Variants in FAM180A observed in about 807,000 individuals in gnomAD.
FAM180A encodes family with sequence similarity 180 member A.
A neutral mutation model predicts 15.3 loss-of-function variants in FAM180A; 14 were observed. The observed-to-expected ratio is 0.92, with a 90% CI of 0.61 to 1.43. FAM180A has a LOEUF of 1.43. Among genes scored for constraint, FAM180A ranks in the 40% most tolerant of loss-of-function variants. FAM180A has a pLI of 0.00. For missense variants in FAM180A, 200 were observed against 220.8 expected, an observed-to-expected ratio of 0.91 and a Z score of 0.60; for synonymous variants, 90 against 96.8, an observed-to-expected ratio of 0.93 and a Z score of 0.41.
chr7:135,736,374 G>A (rs1243419520), intron 2 of FAM180A, among the ~76,000 whole-genome samples: 1 of 152,226 alleles, frequency 6.6e-6, no homozygotes, highest in African/African-American at 2.4e-5. Flanking sequence ...GGAGTCAGAG[G>A]ATGTCAAAGC....
rs1471630382 is a variant in FAM180A at position 135,748,687 on chromosome 7, CCCTT to C, written c.-111_-108del. The C allele has an allele frequency of 2.3e-6, 2 of 875,186 alleles. No individual in the cohort carries two copies. Among genetic ancestry groups the C allele is most frequent in the Non-Finnish European group, 3.8e-6 (2 of 521,532 alleles). The allele number at this position is 875,186 out of a possible 1,614,324, so 54.2% of individuals were successfully genotyped here. The stretch of plus-strand genomic sequence containing the variant: ...CAGTGAGATGATGGAGTGCTTCCCT[CCCTT>C]CCTTTTGCAGACGTGCAGAAATGCC... On this transcript the variant is annotated 5_prime_UTR_variant, in exon 1 of 4. Coordinates refer to ENST00000338588, the MANE Select transcript of FAM180A (RefSeq NM_205855.4).
intron 1 of FAM180A, among the ~76,000 whole-genome samples, chr7:135,744,321 A>G (rs1032918093): frequency 5.3e-5 from 8 of 152,226 alleles, no homozygotes; most frequent in African/African-American, 1.9e-4. Flanking sequence ...AGCTTGTTGG[A>G]AAGGATTCAA....
At chr7:135,741,954 T>C (rs1796956592) in intron 1 of FAM180A, among the ~76,000 whole-genome samples, 1 of 152,226 alleles carries the variant, frequency 6.6e-6, no homozygotes, top group Admixed American at 6.5e-5. Flanking sequence ...TTAGAATGTA[T>C]GTGTGGGAAG....
chr7:135,734,256 C>T lies in FAM180A; in HGVS notation c.241G>A (p.Ala81Thr), dbSNP rs778680892. Residue 81 changes from alanine to threonine, a missense_variant, in exon 3 of 4, where the codon GCC becomes ACC. Physicochemically the swap from Ala to Thr is moderately conservative, Grantham distance 58. Coordinates refer to ENST00000338588, the MANE Select transcript of FAM180A (RefSeq NM_205855.4). ...LQISIKDEEL[A>T]SLRKASDFRT... ...AAGTCTGAGGCCTTCCGCAAGGAGG[C>T]CAGCTCCTCGTCCTTGATGGAGATC... 38 of 1,613,898 alleles carry T rather than the reference C, an allele frequency of 2.4e-5. No homozygotes were observed. In the Admixed American group the frequency reaches 2.7e-4, roughly 11 times the overall value.
chr7:135,736,392 G>A (rs991685107), intron 2 of FAM180A, among the ~76,000 whole-genome samples: 4 of 152,246 alleles, frequency 2.6e-5, no homozygotes, highest in African/African-American at 9.6e-5. Flanking sequence ...AGCTGGAGGG[G>A]AATTTTGGAC....
rs373129979 is a variant in FAM180A, at chr7:135,734,265, C to T, written c.232G>A (p.Glu78Lys). The stretch of plus-strand genomic sequence containing the variant: ...GCCTTCCGCAAGGAGGCCAGCTCCT[C>T]GTCCTTGATGGAGATCTGCAGGTCA... Reference protein sequence around the residue: ...SPDLQISIKDEELASLRKASD... With the variant: ...SPDLQISIKDKELASLRKASD... The change falls in exon 3 of 4, where the codon GAG (glutamate) becomes AAG (lysine). Residue 78 changes from glutamate (E) to lysine (K), a missense_variant. Physicochemically the swap from Glu to Lys is moderately conservative, Grantham distance 56. Coordinates refer to ENST00000338588, the MANE Select transcript of FAM180A (RefSeq NM_205855.4). The T allele has an allele frequency of 2.2e-5, 36 of 1,613,618 alleles. No homozygotes were observed. The highest frequency in any genetic ancestry group is 6.7e-5 in the African/African-American group (5 of 74,912).
At position 135,729,924 on chromosome 7, in the gene FAM180A, T is replaced by A; in HGVS notation, c.*687A>T. 1.3e-6 allele frequency: 1 copy of A among 755,624 alleles called. No individual in the cohort carries two copies. Among genetic ancestry groups the A allele is most frequent in the Non-Finnish European group, 1.6e-6 (1 of 620,564 alleles). 46.8% of individuals were successfully genotyped at this position (755,624 alleles called of 1,614,324 possible). A position where few individuals can be genotyped will look rare whatever the true frequency, so the allele number is the denominator to read the frequency against. Reference sequence around the variant, plus strand: ...TTACAAGATGAGAAAGTTCCGGGGGTCTGTTTCACAACATGCATGGAGTTA... The same window carrying A: ...TTACAAGATGAGAAAGTTCCGGGGGACTGTTTCACAACATGCATGGAGTTA... On this transcript the variant is annotated 3_prime_UTR_variant, in exon 4 of 4. Transcript: ENST00000338588.
In FAM180A at chr7:135,730,168, A is replaced by G; in HGVS notation, c.*443T>C. ...GTGACAGAGCAATGAAGTCTGCAGC[A>G]GTTAAATGTCTGTTGATGTCTCTTG... On this transcript the variant is annotated 3_prime_UTR_variant, in exon 4 of 4. Transcript: ENST00000338588. 1 of 985,442 alleles carries G rather than the reference A, an allele frequency of 1.0e-6. No homozygotes were observed. The highest frequency in any genetic ancestry group is 1.2e-6 in the Non-Finnish European group (1 of 829,922). The allele number at this position is 985,442 out of a possible 1,614,324, so 61.0% of individuals were successfully genotyped here.
At chr7:135,739,473 G>A (rs577993647) in intron 1 of FAM180A, among the ~76,000 whole-genome samples, 1 of 150,748 alleles carries the variant, frequency 6.6e-6, no homozygotes, top group African/African-American at 2.4e-5. Context: ...TTAGCCGGGT[G>A]TGGTGGCAGG....
chr7:135,733,934 G>T lies in FAM180A; in HGVS notation c.*41C>A. ...GAGAATGAAGACTTTCTGGATTACT[G>T]TGCTGGTCCCTGCTCTGAGGTCCTG... is the stretch of plus-strand genomic sequence containing the variant. On this transcript the variant is annotated 3_prime_UTR_variant, in exon 3 of 4. Coordinates refer to ENST00000338588, the MANE Select transcript of FAM180A (RefSeq NM_205855.4). The T allele has an allele frequency of 6.5e-7, 1 of 1,534,694 alleles. No individual in the cohort carries two copies. The highest frequency in any genetic ancestry group is 8.7e-7 in the Non-Finnish European group (1 of 1,142,990).
intron 1 of FAM180A, among the ~76,000 whole-genome samples, chr7:135,746,038 G>A (rs772572303): frequency 6.6e-5 from 10 of 152,084 alleles, no homozygotes; most frequent in African/African-American, 1.4e-4. Context: ...TCAACTACGC[G>A]GAAGACATTT....
intron 1 of FAM180A, among the ~76,000 whole-genome samples, chr7:135,747,116 G>A (rs1797041730): frequency 1.3e-5 from 2 of 151,964 alleles, no homozygotes; most frequent in African/African-American, 4.8e-5. Context: ...AAATAAATAA[G>A]TAAATAAATA....
chr7:135,734,211 C>T lies in FAM180A; in HGVS notation c.286G>A (p.Val96Ile), dbSNP rs3112374. ...ATGTCTGGGATGCTCTTGGGGATGA[C>T]GTTGTTGCAGACGGTGCGGAAGTCT... ...ASDFRTVCNN[V>I]IPKSIPDIRR... The change falls in exon 3 of 4, where the codon GTC becomes ATC. Residue 96 changes from valine to isoleucine, a missense_variant. Coordinates refer to ENST00000338588, the MANE Select transcript of FAM180A (RefSeq NM_205855.4). The T allele has an allele frequency of 4.9e-3, 7,833 of 1,614,164 alleles. 297 individuals are homozygous for T. The African/African-American group carries it at 0.093, about 19-fold the overall frequency.
Position 135,733,689 on chromosome 7 carries a change from C to G in FAM180A, c.*286G>C. On this transcript the variant is annotated 3_prime_UTR_variant, in exon 3 of 4. Transcript: ENST00000338588. ...GTGTGGCCACTGCTCTGGGTTGAAG[C>G]ATATCAGAATTCTGCCTGCCATAGG... 9 of 1,217,460 alleles carry G rather than the reference C, an allele frequency of 7.4e-6. No homozygotes were observed. The highest frequency in any genetic ancestry group is 8.2e-6 in the Non-Finnish European group (8 of 976,506). The allele number at this position is 1,217,460 out of a possible 1,614,324, so 75.4% of individuals were successfully genotyped here.
chr7:135,733,871 CG>C lies in FAM180A; in HGVS notation c.*103del. 1 of 1,443,808 alleles carries C rather than the reference CG, an allele frequency of 6.9e-7. No homozygotes were observed. Among genetic ancestry groups the C allele is most frequent in the Non-Finnish European group, 9.1e-7 (1 of 1,099,256 alleles). The allele number at this position is 1,443,808 out of a possible 1,614,324, so 89.4% of individuals were successfully genotyped here. Reference sequence around the variant, plus strand: ...TTTGATCTCTGCTGCTCTGTGTCAGCGGTAAGAGTTTTGTTGCTGGTCTCTG... The same window carrying C: ...TTTGATCTCTGCTGCTCTGTGTCAGCGTAAGAGTTTTGTTGCTGGTCTCTG... On this transcript the variant is annotated 3_prime_UTR_variant, in exon 3 of 4. Transcript: ENST00000338588.
Position 135,733,692 on chromosome 7 carries a change from A to G in FAM180A, c.*283T>C. 3 of 1,225,228 alleles carry G rather than the reference A, an allele frequency of 2.4e-6. No individual in the cohort carries two copies. The highest frequency in any genetic ancestry group is 3.1e-6 in the Non-Finnish European group (3 of 981,252). 75.9% of individuals were successfully genotyped at this position (1,225,228 alleles called of 1,614,324 possible). ...TGGCCACTGCTCTGGGTTGAAGCAT[A>G]TCAGAATTCTGCCTGCCATAGGCAA... On this transcript the variant is annotated 3_prime_UTR_variant, in exon 3 of 4. Coordinates refer to ENST00000338588, the MANE Select transcript of FAM180A (RefSeq NM_205855.4).
At chr7:135,731,096 C>T (rs1796774154) in intron 3 of FAM180A, among the ~76,000 whole-genome samples, 1 of 152,122 alleles carries the variant, frequency 6.6e-6, no homozygotes, top group Non-Finnish European at 1.5e-5. Context: ...CAGCCATCTA[C>T]ATAACATGGT....
chr7:135,744,386 GCAA>G (rs1796999074), intron 1 of FAM180A, among the ~76,000 whole-genome samples: 1 of 152,208 alleles, frequency 6.6e-6, no homozygotes, highest in Non-Finnish European at 1.5e-5. Flanking sequence ...ATCAGTTGAA[GCAA>G]CTCGATGGAA....
At chr7:135,739,954 C>T (rs1030769474) in intron 1 of FAM180A, among the ~76,000 whole-genome samples, 2 of 152,160 alleles carry the variant, frequency 1.3e-5, no homozygotes, top group Admixed American at 6.5e-5. Context: ...CACTAATGGT[C>T]GCCTCGGCCA....
Sources: gnomAD v4.1 joint callset for allele counts (sites outside exome capture counted in the v4.1 genomes callset) on GRCh38, gnomAD v4.1.1 for gene constraint, MANE v1.5 for transcripts, NCBI Gene and HGNC (gene_info 2026-07-23, HGNC 2026-07-21) for gene names.